Variants in CFAP44 observed in about 807,000 individuals in gnomAD.
CFAP44 encodes cilia- and flagella-associated protein 44.
In CFAP44, 134 loss-of-function variants were observed where a neutral mutation model predicts 216.2. That is an observed-to-expected ratio of 0.62 (90% CI 0.54 to 0.72). The LOEUF (loss-of-function observed/expected upper bound fraction) is 0.72, where lower values mean the gene tolerates loss of function less well. Among genes scored for constraint, CFAP44 ranks in the 30% least tolerant of loss-of-function variants. CFAP44 has a pLI of 0.00. For missense variants in CFAP44, 2,035 were observed against 2,182.1 expected (o/e 0.93, Z 1.34); for synonymous variants, 700 against 727.6 (o/e 0.96, Z 0.61).
At chr3:113,368,556 C>T (rs1933039997) in intron 18 of CFAP44, among the ~76,000 whole-genome samples, 1 of 152,136 alleles carries the variant, frequency 6.6e-6, no homozygotes, top group Admixed American at 6.5e-5. Flanking sequence ...ATTTTGTCAC[C>T]ACCAGGCCTG....
At chr3:113,410,380 T>C (rs932985954) in intron 6 of CFAP44, among the ~76,000 whole-genome samples, 4 of 152,182 alleles carry the variant, frequency 2.6e-5, no homozygotes, top group Non-Finnish European at 5.9e-5. Context: ...TTCCCACCTA[T>C]GAGTGAGAAC....
chr3:113,295,653 T>C (rs1949872866), intron 33 of CFAP44, among the ~76,000 whole-genome samples: 1 of 152,210 alleles, frequency 6.6e-6, no homozygotes. Flanking sequence ...TATAAAATCT[T>C]TGTGAAAGCT....
At chr3:113,397,541 G>A (rs1934022414) in intron 13 of CFAP44, among the ~76,000 whole-genome samples, 1 of 152,162 alleles carries the variant, frequency 6.6e-6, no homozygotes, top group Non-Finnish European at 1.5e-5. Flanking sequence ...GCTGCAGTAT[G>A]GAAAATAGAT....
chr3:113,388,617 A>G (rs1933713476), intron 15 of CFAP44, among the ~76,000 whole-genome samples: 3 of 152,076 alleles, frequency 2.0e-5, no homozygotes, highest in South Asian at 4.1e-4. Flanking sequence ...GATTTAAAAA[A>G]CAAGACTCAG....
intron 33 of CFAP44, 25 bp downstream of exon 33, chr3:113,296,700 A>G: frequency 6.5e-7 from 1 of 1,530,672 alleles, no homozygotes; most frequent in Middle Eastern, 1.7e-4. Flanking sequence ...ATTCAACCAA[A>G]GATCAACCCC....
intron 2 of CFAP44, 97 bp downstream of exon 2, chr3:113,433,468 T>A (rs6808103): frequency 0.038 from 9,686 of 256,832 alleles, 282 homozygotes; most frequent in Middle Eastern, 0.075. Context: ...ATCTATTTTA[T>A]AACATCCTGC....
At position 113,427,484 on chromosome 3, in the gene CFAP44, G is replaced by C. The variant is rs572598784; in HGVS notation, c.101-145C>G. 96 of 605,772 alleles carry C rather than the reference G, an allele frequency of 1.6e-4. 1 individual carries two copies. The South Asian group carries it at 1.6e-3, about 10-fold the overall frequency. The allele number at this position is 605,772 out of a possible 1,614,324, so 37.5% of individuals were successfully genotyped here. The stretch of plus-strand genomic sequence containing the variant: ...AATTTCTAGAAGAATCATTTTATTT[G>C]GTCAGTCTTGTAACTTTACAAAATA... On this transcript the variant is annotated intron_variant, in intron 2 of 34. Transcript: ENST00000393845.
chr3:113,411,594 T>G (rs1423516839), intron 6 of CFAP44, among the ~76,000 whole-genome samples: 1 of 152,224 alleles, frequency 6.6e-6, no homozygotes, highest in Non-Finnish European at 1.5e-5. Context: ...CCTCCAGCTT[T>G]GTTCTTTTGG....
chr3:113,326,715 T>C, intron 27 of CFAP44, 75 bp from the exon 28 acceptor site: 2 of 814,590 alleles, frequency 2.5e-6, no homozygotes, highest in East Asian at 5.9e-5. Context: ...TACTTTACAA[T>C]ACAAGGTTAC....
At chr3:113,418,772 C>T (rs1266789122) in intron 5 of CFAP44, among the ~76,000 whole-genome samples, 4 of 151,960 alleles carry the variant, frequency 2.6e-5, no homozygotes, top group Admixed American at 2.0e-4. Context: ...ACGGCATGAT[C>T]TCAGTTCACT....
In CFAP44 at chr3:113,358,874, T is replaced by C. The variant is rs1343247478; in HGVS notation, c.2936A>G (p.Asp979Gly). 5 of 1,535,870 alleles carry C rather than the reference T, an allele frequency of 3.3e-6. No homozygotes were observed. Among genetic ancestry groups the C allele is most frequent in the Non-Finnish European group, 4.4e-6 (5 of 1,146,152 alleles). Residue 979 changes from aspartate (D) to glycine (G), a missense_variant and splice_region_variant, in exon 22 of 35, where the codon GAT becomes GGT. By Grantham distance (94) the Asp-to-Gly change is moderately conservative (BLOSUM62 -1). This residue lies in a region of CFAP44 where 1,883 missense variants were observed against 2,023.7 expected (regional missense o/e 0.93). Transcript: ENST00000393845. Reference protein sequence around the residue: ...LPKHMQFKRTDFDVDSQIRAE... With the variant: ...LPKHMQFKRTGFDVDSQIRAE... ...ACGGATTTGGGAATCTACATCAAAATCCTGCAGATAAGAAGATCTGTTCAT... is the reference window on the plus strand; with the variant it reads ...ACGGATTTGGGAATCTACATCAAAACCCTGCAGATAAGAAGATCTGTTCAT...
At chr3:113,421,594 C>T (rs112531610) in intron 4 of CFAP44, among the ~76,000 whole-genome samples, 2 of 152,296 alleles carry the variant, frequency 1.3e-5, no homozygotes, top group African/African-American at 4.8e-5. Context: ...CCTAGATACC[C>T]ATCAGTGGTG....
chr3:113,342,790 A>C lies in CFAP44; in HGVS notation c.3263-872T>G, dbSNP rs1950344928. 2.0e-5 allele frequency among the ~76,000 whole-genome samples: 3 copies of C among 151,860 alleles called. 1 individual carries two copies. Among genetic ancestry groups the C allele is most frequent in the Non-Finnish European group, 4.4e-5 (3 of 67,940 alleles). ...GCAGATTGCCTGAGCTCAGGAGTTC[A>C]AGACCAGCCTGGGCATGGTGAAACC... On this transcript the variant is annotated intron_variant, in intron 23 of 34. Transcript: ENST00000393845.
intron 24 of CFAP44, among the ~76,000 whole-genome samples, chr3:113,339,577 C>T (rs953360612): frequency 1.3e-5 from 2 of 152,178 alleles, no homozygotes; most frequent in Non-Finnish European, 2.9e-5. Flanking sequence ...GGTCTCCTTC[C>T]ATGGGGTGAG....
At chr3:113,359,410 A>G (rs946700720) in intron 21 of CFAP44, among the ~76,000 whole-genome samples, 1 of 152,212 alleles carries the variant, frequency 6.6e-6, no homozygotes, top group African/African-American at 2.4e-5. Flanking sequence ...CAGAGCCAAT[A>G]TTTGTGATAA....
rs1254376896 is a variant in CFAP44, at chr3:113,289,698, T to C, written c.*1859A>G. 6.6e-6 allele frequency: 1 copy of C among 152,252 alleles called. No individual in the cohort carries two copies. Among genetic ancestry groups the C allele is most frequent in the African/African-American group, 2.4e-5 (1 of 41,458 alleles). The allele number at this position is 152,252 out of a possible 1,614,324, so 9.4% of individuals were successfully genotyped here. ...TCACACAGGGTCAGCCTGTGACCCA[T>C]ATGACAATAGTGACGCTATGTCACT... On this transcript the variant is annotated 3_prime_UTR_variant, in exon 35 of 35. Coordinates refer to ENST00000393845, the MANE Select transcript of CFAP44 (RefSeq NM_001164496.2).
chr3:113,318,220 A>G lies in CFAP44; in HGVS notation c.4516+8225T>C, dbSNP rs186980530. On this transcript the variant is annotated intron_variant, in intron 28 of 34. Coordinates refer to ENST00000393845, the MANE Select transcript of CFAP44 (RefSeq NM_001164496.2). ...AGAAAGAAGAAAACCAAATTTTTAA[A>G]GTTTTTAAACATTTTCAGAAAAAAG... is the stretch of plus-strand genomic sequence containing the variant. 5.3e-5 allele frequency among the ~76,000 whole-genome samples: 8 copies of G among 152,294 alleles called. No individual in the cohort carries two copies. In the East Asian group the frequency reaches 1.5e-3, roughly 29 times the overall value.
intron 13 of CFAP44, among the ~76,000 whole-genome samples, chr3:113,398,646 C>A (rs918856507): frequency 1.3e-5 from 2 of 152,196 alleles, no homozygotes; most frequent in Non-Finnish European, 2.9e-5. Context: ...CTAGCCTCAT[C>A]ATGAAGATGG....
chr3:113,404,530 T>C (rs1934225598), intron 8 of CFAP44, among the ~76,000 whole-genome samples: 1 of 152,202 alleles, frequency 6.6e-6, no homozygotes. Context: ...ACATTAGTTG[T>C]TAAGATATTT....
Sources: gnomAD v4.1 joint callset for allele counts (sites outside exome capture counted in the v4.1 genomes callset) on GRCh38, gnomAD v4.1.1 for gene constraint, gnomAD v4.1.1 regional missense constraint, MANE v1.5 for transcripts, NCBI Gene and HGNC (gene_info 2026-07-23, HGNC 2026-07-21) for gene names.